The following NTM variants were observed in gnomAD, a reference collection of about 807,000 sequenced individuals.
NTM encodes neurotrimin, also known as IgLON family member 2.
NTM carries 13 observed loss-of-function variants against 42.1 expected under a neutral mutation model. The ratio of observed to expected loss-of-function variants is 0.31; its 90% CI spans 0.20 to 0.49. The LOEUF (loss-of-function observed/expected upper bound fraction) is 0.49. Ranked by LOEUF, NTM falls within the 20% of genes least tolerant of loss-of-function variation. NTM has a pLI of 0.99. For synonymous variants in NTM, 187 were observed against 179.2 expected, an observed-to-expected ratio of 1.04 and a Z score of -0.35; for missense variants, 373 against 452.8, an observed-to-expected ratio of 0.82 and a Z score of 1.60.
At chr11:132,270,067 C>A (rs1319510023) in intron 4 of NTM, among the ~76,000 whole-genome samples, 1 of 152,128 alleles carries the variant, frequency 6.6e-6, no homozygotes, top group Admixed American at 6.5e-5. Flanking sequence ...TCCAGGCAAC[C>A]ACTCGTGTGG....
chr11:131,686,502 G>A (rs1000545023), intron 1 of NTM, among the ~76,000 whole-genome samples: 1 of 152,188 alleles, frequency 6.6e-6, no homozygotes, highest in African/African-American at 2.4e-5. Context: ...TGTTCACCAT[G>A]AGTAGGCTGA....
intron 4 of NTM, among the ~76,000 whole-genome samples, chr11:132,220,102 AT>A (rs1206921524): frequency 1.3e-5 from 2 of 152,356 alleles, no homozygotes; most frequent in South Asian, 2.1e-4. Flanking sequence ...GAACAAAAAA[AT>A]AATTGCATCA....
chr11:131,543,814 T>C (rs1441654840), intron 1 of NTM, among the ~76,000 whole-genome samples: 1 of 152,216 alleles, frequency 6.6e-6, no homozygotes, highest in Non-Finnish European at 1.5e-5. Flanking sequence ...TTATGCAGGA[T>C]GGTTGTGCAG....
intron 1 of NTM, among the ~76,000 whole-genome samples, chr11:131,372,560 G>A (rs946440835): frequency 3.9e-5 from 6 of 151,914 alleles, no homozygotes; most frequent in African/African-American, 1.2e-4. Flanking sequence ...TTCTGTGGGG[G>A]TTGACAGCAA....
intron 4 of NTM, among the ~76,000 whole-genome samples, chr11:132,268,455 T>C (rs917006647): frequency 6.6e-6 from 1 of 151,810 alleles, no homozygotes; most frequent in Non-Finnish European, 1.5e-5. Flanking sequence ...TCAAACACCT[T>C]CTGCATCTTG....
chr11:131,890,917 C>T (rs1223367121), intron 1 of NTM, among the ~76,000 whole-genome samples: 1 of 152,180 alleles, frequency 6.6e-6, no homozygotes, highest in African/African-American at 2.4e-5. Flanking sequence ...TCAACCTTTT[C>T]TGTCCTCATT....
At chr11:131,578,008 A>G (rs2458769) in intron 1 of NTM, among the ~76,000 whole-genome samples, 99,422 of 152,116 alleles carry the variant, frequency 0.65, 33,952 homozygotes, top group African/African-American at 0.86. Context: ...GCTAACAGGT[A>G]CTGAACAACT....
At chr11:131,687,055 G>A (rs1343367465) in intron 1 of NTM, among the ~76,000 whole-genome samples, 3 of 152,164 alleles carry the variant, frequency 2.0e-5, no homozygotes, top group African/African-American at 7.2e-5. Context: ...AGAGACAGCA[G>A]GGACTGAGCT....
intron 4 of NTM, among the ~76,000 whole-genome samples, chr11:132,217,086 C>T (rs1008141212): frequency 1.3e-5 from 2 of 152,302 alleles, no homozygotes; most frequent in South Asian, 4.2e-4. Context: ...TGCAACTGCT[C>T]TTCATCTGGC....
intron 1 of NTM, among the ~76,000 whole-genome samples, chr11:131,542,153 G>T (rs1226683137): frequency 1.3e-5 from 2 of 152,174 alleles, no homozygotes; most frequent in African/African-American, 4.8e-5. Flanking sequence ...TGTGTTGTTT[G>T]CATTAAAGGA....
intron 1 of NTM, among the ~76,000 whole-genome samples, chr11:131,492,366 C>A (rs544402291): frequency 6.6e-6 from 1 of 151,072 alleles, no homozygotes; most frequent in African/African-American, 2.4e-5. Flanking sequence ...ATTTCATTTT[C>A]TCACATTGTG....
chr11:132,139,582 C>T (rs2137221202), intron 2 of NTM, among the ~76,000 whole-genome samples: 1 of 152,302 alleles, frequency 6.6e-6, no homozygotes, highest in South Asian at 2.1e-4. Context: ...TGGAGGTGCA[C>T]AGAGCAAAGG....
chr11:131,681,491 T>C (rs867429776), intron 1 of NTM, among the ~76,000 whole-genome samples: 34 of 35,292 alleles, frequency 9.6e-4, no homozygotes, highest in African/African-American at 2.8e-3. Flanking sequence ...GTATGTCTCC[T>C]TGTGTGTGTG....
intron 2 of NTM, among the ~76,000 whole-genome samples, chr11:132,057,120 A>G (rs531957296): frequency 1.3e-5 from 2 of 152,370 alleles, no homozygotes; most frequent in South Asian, 4.1e-4. Flanking sequence ...CGTGCAAAAA[A>G]GAGCAAATGT....
chr11:131,616,778 G>GTGTGT (rs1555166353), intron 1 of NTM, among the ~76,000 whole-genome samples: 31,048 of 141,694 alleles, frequency 0.22, 3,946 homozygotes, highest in South Asian at 0.32. Flanking sequence ...GTCTTGAGGG[G>GTGTGT]GTGTGTGTGT....
chr11:131,952,031 T>C (rs1001791179), intron 2 of NTM, among the ~76,000 whole-genome samples: 4 of 152,084 alleles, frequency 2.6e-5, no homozygotes, highest in African/African-American at 9.7e-5. Flanking sequence ...AGTCTGATAA[T>C]ACATTCTCTT....
At chr11:131,560,391 T>A (rs901784101) in intron 1 of NTM, among the ~76,000 whole-genome samples, 7 of 152,182 alleles carry the variant, frequency 4.6e-5, no homozygotes. Flanking sequence ...GTAGCCAGAA[T>A]ATATGTTCCA....
At chr11:132,315,021 T>TAATGG in intron 7 of NTM, 2 of 1,118,866 alleles carry the variant, frequency 1.8e-6, no homozygotes, top group Non-Finnish European at 2.2e-6. Context: ...TTTCATTCTA[T>TAATGG]AATGGAAAAG....
chr11:131,663,492 CTCTG>C (rs1179008409), intron 1 of NTM: 1 of 152,440 alleles, frequency 6.6e-6, no homozygotes, highest in Non-Finnish European at 1.5e-5. Flanking sequence ...TCCTTGACCG[CTCTG>C]TCTGTCTGCA....
Sources: gnomAD v4.1 joint callset for allele counts (sites outside exome capture counted in the v4.1 genomes callset) on GRCh38, gnomAD v4.1.1 for gene constraint, MANE v1.5 for transcripts, NCBI Gene and HGNC (gene_info 2026-07-23, HGNC 2026-07-21) for gene names.